Variants in DPT observed in about 807,000 individuals in gnomAD.
The protein encoded by DPT is tyrosine-rich acidic matrix protein.
In DPT, 21 loss-of-function variants were observed where a neutral mutation model predicts 31.2. The observed-to-expected ratio is 0.67, with a 90% CI of 0.48 to 0.97. The LOEUF is 0.97. DPT is among the 50% of genes least tolerant of loss of function. DPT has a pLI of 0.00. For synonymous variants in DPT, 91 were observed against 86.9 expected (o/e 1.05, Z -0.26); for missense variants, 262 against 258.8 (o/e 1.01, Z -0.08).
At chr1:168,705,770 C>G (rs931395026) in intron 2 of DPT, among the ~76,000 whole-genome samples, 1 of 152,224 alleles carries the variant, frequency 6.6e-6, no homozygotes, top group Non-Finnish European at 1.5e-5. Context: ...ACCCAAATCT[C>G]ATTTTGAATT....
At chr1:168,707,217 G>T (rs1267885301) in intron 2 of DPT, among the ~76,000 whole-genome samples, 1 of 152,094 alleles carries the variant, frequency 6.6e-6, no homozygotes, top group Non-Finnish European at 1.5e-5. Context: ...CAGTAACACA[G>T]GAACACGTGG....
At position 168,715,576 on chromosome 1, in the gene DPT, T is replaced by C. The variant is rs1428302698; in HGVS notation, c.306-1230A>G. On this transcript the variant is annotated intron_variant, in intron 1 of 3. Coordinates refer to ENST00000367817, the MANE Select transcript of DPT (RefSeq NM_001937.5). ...AAATAAAAGATATTATAATTCATTT[T>C]ACTGGAATTTAAAATAAAAAGAAGA... is the stretch of plus-strand genomic sequence containing the variant. Among the ~76,000 whole-genome samples the C allele has an allele frequency of 6.9e-5, 10 of 145,030 alleles. No individual in the cohort carries two copies. The East Asian group carries it at 2.2e-3, about 32-fold the overall frequency.
At chr1:168,702,090 C>G (rs1015269641) in intron 2 of DPT, among the ~76,000 whole-genome samples, 17 of 152,302 alleles carry the variant, frequency 1.1e-4, no homozygotes, top group African/African-American at 4.1e-4. Flanking sequence ...GCCACTGGAA[C>G]CTTCAGGACC....
At chr1:168,719,062 T>C (rs1040426191) in intron 1 of DPT, among the ~76,000 whole-genome samples, 5 of 152,128 alleles carry the variant, frequency 3.3e-5, no homozygotes, top group African/African-American at 1.2e-4. Context: ...GACATTGTTG[T>C]CCAGCAAATG....
In DPT at chr1:168,717,342, A is replaced by G. The variant is rs185560444; in HGVS notation, c.306-2996T>C. The stretch of plus-strand genomic sequence containing the variant: ...TTTTTTTCATATGTTTGTTGGCCAC[A>G]TAAATGTCTTCTTTTGAGAAGTGTC... On this transcript the variant is annotated intron_variant, in intron 1 of 3. Coordinates refer to ENST00000367817, the MANE Select transcript of DPT (RefSeq NM_001937.5). Among the ~76,000 whole-genome samples, 5 of 152,324 alleles carry G rather than the reference A, an allele frequency of 3.3e-5. No individual in the cohort carries two copies. The East Asian group carries it at 9.6e-4, about 29-fold the overall frequency.
chr1:168,713,449 A>G (rs1649909635), intron 2 of DPT, among the ~76,000 whole-genome samples: 1 of 152,226 alleles, frequency 6.6e-6, no homozygotes, highest in African/African-American at 2.4e-5. Flanking sequence ...TAGAGAGATC[A>G]ATCACTTGAG....
At chr1:168,700,249 C>T (rs1440036864) in intron 3 of DPT, among the ~76,000 whole-genome samples, 1 of 152,200 alleles carries the variant, frequency 6.6e-6, no homozygotes, top group Non-Finnish European at 1.5e-5. Flanking sequence ...CTGGCTTGCC[C>T]TTTCCACCAT....
rs1649467755 is a variant in DPT, at chr1:168,696,470, T to A, written c.*79A>T. On this transcript the variant is annotated 3_prime_UTR_variant, in exon 4 of 4. Transcript: ENST00000367817. ...GAGCAGCAGAAACTTCTATAGGAGA[T>A]CCAACTGATGTTAACATATGTGGAC... 5 of 1,261,854 alleles carry A rather than the reference T, an allele frequency of 4.0e-6. No individual in the cohort carries two copies. The South Asian group carries it at 7.0e-5, about 18-fold the overall frequency. 78.2% of individuals were successfully genotyped at this position (1,261,854 alleles called of 1,614,324 possible). A position where few individuals can be genotyped will look rare whatever the true frequency, so the allele number is the denominator to read the frequency against.
intron 2 of DPT, among the ~76,000 whole-genome samples, chr1:168,701,927 A>T (rs913779138): frequency 6.6e-6 from 1 of 151,136 alleles, no homozygotes; most frequent in Non-Finnish European, 1.5e-5. Flanking sequence ...GTAGGTGTTG[A>T]ATCACTAAGA....
intron 1 of DPT, among the ~76,000 whole-genome samples, chr1:168,726,048 A>G (rs1387632307): frequency 3.3e-5 from 5 of 152,206 alleles, no homozygotes; most frequent in African/African-American, 1.2e-4. Context: ...CTTCCAGGGT[A>G]ATTCGTGTCA....
chr1:168,729,200 G>A lies in DPT; in HGVS notation c.-26C>T, dbSNP rs370685318. ...GCTGCCTGGGATTTTGGCAAACAATGTCACTCTAAGATTGCTGGTCTGACC... is the reference window on the plus strand; with the variant it reads ...GCTGCCTGGGATTTTGGCAAACAATATCACTCTAAGATTGCTGGTCTGACC... On this transcript the variant is annotated 5_prime_UTR_variant, in exon 1 of 4. Transcript: ENST00000367817. The A allele has an allele frequency of 5.0e-6, 8 of 1,601,916 alleles. No homozygotes were observed. The highest frequency in any genetic ancestry group is 6.0e-6 in the Non-Finnish European group (7 of 1,173,664).
At chr1:168,708,393 T>C (rs1649768977) in intron 2 of DPT, among the ~76,000 whole-genome samples, 1 of 152,184 alleles carries the variant, frequency 6.6e-6, no homozygotes, top group Non-Finnish European at 1.5e-5. Context: ...CAATGAGTGC[T>C]ATGTACATCA....
At chr1:168,725,029 A>G (rs962934798) in intron 1 of DPT, among the ~76,000 whole-genome samples, 2 of 152,210 alleles carry the variant, frequency 1.3e-5, no homozygotes, top group Admixed American at 1.3e-4. Flanking sequence ...AACATCAGCC[A>G]CATCAATTTC....
intron 3 of DPT, among the ~76,000 whole-genome samples, chr1:168,700,046 A>G (rs1649557748): frequency 6.6e-6 from 1 of 151,778 alleles, no homozygotes; most frequent in African/African-American, 2.4e-5. Context: ...GGGATTGTTA[A>G]CTCCTTTCAT....
At position 168,696,119 on chromosome 1, in the gene DPT, A is replaced by G. The variant is rs1649460166; in HGVS notation, c.*430T>C. The G allele has an allele frequency of 7.4e-6, 3 of 404,242 alleles. No homozygotes were observed. The highest frequency in any genetic ancestry group is 1.3e-5 in the Non-Finnish European group (3 of 229,592). 25.0% of individuals were successfully genotyped at this position (404,242 alleles called of 1,614,324 possible). On this transcript the variant is annotated 3_prime_UTR_variant, in exon 4 of 4. Transcript: ENST00000367817. ...GCTTTTGGTGGGGAACCTACGTATCATTCAAACAGGCTTAGCTGTAGAGAA... is the reference window on the plus strand; with the variant it reads ...GCTTTTGGTGGGGAACCTACGTATCGTTCAAACAGGCTTAGCTGTAGAGAA...
intron 2 of DPT, 59 bp from the exon 3 acceptor site, chr1:168,701,183 A>T (rs894461802): frequency 3.2e-6 from 4 of 1,269,342 alleles, no homozygotes; most frequent in Middle Eastern, 1.9e-4. Context: ...GCTGGGAGCA[A>T]ACAGAAGACA....
chr1:168,701,419 T>C (rs897520671), intron 2 of DPT, among the ~76,000 whole-genome samples: 1 of 152,244 alleles, frequency 6.6e-6, no homozygotes, highest in Non-Finnish European at 1.5e-5. Flanking sequence ...TTAATATCAA[T>C]ACTATTCCTA....
At chr1:168,708,381 C>T (rs909062420) in intron 2 of DPT, among the ~76,000 whole-genome samples, 2 of 152,108 alleles carry the variant, frequency 1.3e-5, no homozygotes, top group African/African-American at 4.8e-5. Context: ...CTGCTGTCTG[C>T]ACAATGAGTG....
At chr1:168,697,620 G>A (rs1649492992) in intron 3 of DPT, among the ~76,000 whole-genome samples, 1 of 152,234 alleles carries the variant, frequency 6.6e-6, no homozygotes, top group Non-Finnish European at 1.5e-5. Flanking sequence ...TAAGAGAAAT[G>A]TTTTGAGTGC....
Sources: allele counts gnomAD v4.1 joint callset (sites outside exome capture counted in the v4.1 genomes callset), GRCh38; gene constraint gnomAD v4.1.1; transcripts MANE v1.5; gene names NCBI Gene and HGNC (gene_info 2026-07-23, HGNC 2026-07-21).